The following DDX60 variants were observed in gnomAD, a reference collection of about 807,000 sequenced individuals.
DDX60 encodes probable ATP-dependent RNA helicase DDX60.
Under a neutral mutation model 212.8 loss-of-function variants are expected in DDX60, and 165 were observed. The ratio of observed to expected loss-of-function variants is 0.78; its 90% CI spans 0.68 to 0.88. The LOEUF is 0.88. Among genes scored for constraint, DDX60 ranks in the 40% least tolerant of loss-of-function variants. The probability of loss-of-function intolerance (pLI) is 0.00; values close to 1 mark genes in which losing one functional copy is unlikely to be tolerated. For synonymous variants in DDX60, 703 were observed against 685.3 expected, an observed-to-expected ratio of 1.03 and a Z score of -0.40; for missense variants, 1,905 against 2,003.9, an observed-to-expected ratio of 0.95 and a Z score of 0.94.
intron 31 of DDX60, 62 bp downstream of exon 31, chr4:168,237,629 A>T (rs1396950012): frequency 7.1e-7 from 1 of 1,405,472 alleles, no homozygotes; most frequent in African/African-American, 1.4e-5. Context: ...TTTGTTCAGC[A>T]TGATAAGAAA....
chr4:168,325,262 A>G, the DDX60 span, among the ~76,000 whole-genome samples: 1 of 152,198 alleles, frequency 6.6e-6, no homozygotes. Context: ...TTTACCTGAC[A>G]TGTGGCTTTG....
intron 5 of DDX60, among the ~76,000 whole-genome samples, chr4:168,303,280 C>T (rs1371512625): frequency 2.1e-5 from 3 of 144,158 alleles, no homozygotes; most frequent in East Asian, 2.0e-4. Flanking sequence ...CCAGCCTGGG[C>T]GACAGAGCGA....
chr4:168,246,633 GAAT>G lies in DDX60; in HGVS notation c.3964-18_3964-16del. ...CGGCCAGACATCTGAAAAGAGAATA[GAAT>G]TACAATGTAAAACTTCCCTAAATGC... is the stretch of plus-strand genomic sequence containing the variant. On this transcript the variant is annotated splice_polypyrimidine_tract_variant and intron_variant, in intron 29 of 37. Transcript: ENST00000393743. 1.2e-6 allele frequency: 2 copies of G among 1,613,228 alleles called. No homozygotes were observed. Among genetic ancestry groups the G allele is most frequent in the Non-Finnish European group, 1.7e-6 (2 of 1,179,526 alleles).
intron 33 of DDX60, among the ~76,000 whole-genome samples, chr4:168,226,561 T>C (rs1284271776): frequency 1.3e-5 from 2 of 152,132 alleles, no homozygotes; most frequent in East Asian, 3.9e-4. Context: ...GGTGTGTATA[T>C]TCATGGATTA....
At chr4:168,322,616 TA>T (rs1737628398), upstream of DDX60, among the ~76,000 whole-genome samples, 1 of 152,244 alleles carries the variant, frequency 6.6e-6, no homozygotes, top group African/African-American at 2.4e-5. Context: ...TTCCTATCAA[TA>T]TTTCCTCTCT....
chr4:168,310,267 G>T (rs1579086382), intron 3 of DDX60, among the ~76,000 whole-genome samples: 1 of 151,982 alleles, frequency 6.6e-6, no homozygotes, highest in Non-Finnish European at 1.5e-5. Flanking sequence ...AACCTTTAAG[G>T]CTCATTACAC....
At chr4:168,273,025 A>G (rs369551995) in intron 18 of DDX60, among the ~76,000 whole-genome samples, 4 of 152,206 alleles carry the variant, frequency 2.6e-5, no homozygotes, top group Admixed American at 2.6e-4. Flanking sequence ...GAATCCCTTT[A>G]CAAACCAAGA....
intron 14 of DDX60, among the ~76,000 whole-genome samples, chr4:168,276,664 C>A (rs1224169969): frequency 6.6e-6 from 1 of 152,172 alleles, no homozygotes; most frequent in Non-Finnish European, 1.5e-5. Context: ...CTAGATGTTG[C>A]TAATCTCTCT....
At chr4:168,288,438 C>A in intron 8 of DDX60, 123 bp from the exon 9 acceptor site, 1 of 595,310 alleles carries the variant, frequency 1.7e-6, no homozygotes. Flanking sequence ...TTTAGGCAAG[C>A]CCATTCAGGC....
rs916270691 is a variant in DDX60, at chr4:168,258,217, T to C, written c.3399-2348A>G. Among the ~76,000 whole-genome samples, 6 of 152,248 alleles carry C rather than the reference T, an allele frequency of 3.9e-5. No homozygotes were observed. The East Asian group carries it at 9.6e-4, about 24-fold the overall frequency. On this transcript the variant is annotated intron_variant, in intron 25 of 37. Coordinates refer to ENST00000393743, the MANE Select transcript of DDX60 (RefSeq NM_017631.6). ...TGTAGCACTGTACTAAGTGCTTTCATAACTTATGTTTATTTAATTCTCACT... is the reference window on the plus strand; with the variant it reads ...TGTAGCACTGTACTAAGTGCTTTCACAACTTATGTTTATTTAATTCTCACT...
In DDX60 at chr4:168,280,524, C is replaced by A. The variant is rs1735544169; in HGVS notation, c.1789G>T (p.Glu597Ter). 6.2e-7 allele frequency: 1 copy of A among 1,613,992 alleles called. No individual in the cohort carries two copies. The highest frequency in any genetic ancestry group is 8.5e-7 in the Non-Finnish European group (1 of 1,179,996). ...GACAAAGCATTCCACTTTTGCTCTT[C>A]CTTTTGTTCTTCCCTGGCAAATAAC... ...KRLFAREEQK[E>*]EQKWNALSFS... Residue 597 changes from glutamate (E) to a stop codon, truncating the protein, a stop_gained, in exon 14 of 38, where the codon GAA becomes TAA. Transcript: ENST00000393743. LOFTEE classifies it high-confidence loss of function.
intron 1 of DDX60, among the ~76,000 whole-genome samples, chr4:168,313,325 G>T (rs964501694): frequency 3.3e-5 from 5 of 152,206 alleles, no homozygotes; most frequent in Admixed American, 1.3e-4. Context: ...ATAAAGTTGT[G>T]AAACTACATG....
intron 7 of DDX60, 57 bp downstream of exon 7, chr4:168,293,730 C>A: frequency 1.4e-6 from 2 of 1,415,318 alleles, no homozygotes; most frequent in Admixed American, 2.4e-5. Flanking sequence ...TACAAATCAA[C>A]AAAATTTCAA....
At chr4:168,304,935 G>A (rs919326068) in intron 5 of DDX60, among the ~76,000 whole-genome samples, 2 of 152,006 alleles carry the variant, frequency 1.3e-5, no homozygotes, top group Non-Finnish European at 2.9e-5. Flanking sequence ...ACATTCACTC[G>A]TCAGTCACTC....
At chr4:168,325,907 C>T in the DDX60 span, among the ~76,000 whole-genome samples, 1 of 152,204 alleles carries the variant, frequency 6.6e-6, no homozygotes, top group Non-Finnish European at 1.5e-5. Context: ...GTGACAGCCA[C>T]GTCTTTCCAC....
chr4:168,286,423 GAGAT>G (rs71977398), intron 10 of DDX60, among the ~76,000 whole-genome samples: 10,214 of 136,830 alleles, frequency 0.075, 516 homozygotes, highest in African/African-American at 0.13. Context: ...CACACCACAC[GAGAT>G]AGATAGATAG....
At chr4:168,245,897 G>A (rs12502879) in intron 30 of DDX60, among the ~76,000 whole-genome samples, 8,826 of 151,900 alleles carry the variant, frequency 0.058, 434 homozygotes, top group East Asian at 0.15. Context: ...GCACACCCAT[G>A]CCTAGAAAAC....
At chr4:168,315,447 T>C (rs1270126141) in intron 1 of DDX60, among the ~76,000 whole-genome samples, 1 of 152,194 alleles carries the variant, frequency 6.6e-6, no homozygotes. Context: ...CTGAAATACA[T>C]GTGCAGAACA....
intron 20 of DDX60, among the ~76,000 whole-genome samples, chr4:168,268,473 C>A (rs1332879394): frequency 6.6e-6 from 1 of 152,066 alleles, no homozygotes; most frequent in Admixed American, 6.5e-5. Flanking sequence ...AATTTGCTAT[C>A]TTTCTAAACA....
Sources: gnomAD v4.1 joint callset for allele counts (sites outside exome capture counted in the v4.1 genomes callset) on GRCh38, gnomAD v4.1.1 for gene constraint, MANE v1.5 for transcripts, NCBI Gene and HGNC (gene_info 2026-07-23, HGNC 2026-07-21) for gene names.